The following U2AF1L4 variants were observed in gnomAD, a reference collection of about 807,000 sequenced individuals.
The protein encoded by U2AF1L4 is U2 small nuclear RNA auxiliary factor 1 like 4.
A neutral mutation model predicts 21.7 loss-of-function variants in U2AF1L4; 21 were observed. The ratio of observed to expected loss-of-function variants is 0.97; its 90% confidence interval spans 0.69 to 1.39. U2AF1L4 has a LOEUF of 1.39. Ranked by LOEUF, U2AF1L4 falls within the 40% of genes most tolerant of loss-of-function variation. U2AF1L4 has a pLI of 0.00. For missense variants in U2AF1L4, 259 were observed against 245.7 expected (o/e 1.05, Z -0.36); for synonymous variants, 92 against 89.7 (o/e 1.03, Z -0.15).
At chr19:35,744,296 G>A (rs1304303287) in intron 3 of U2AF1L4, 27 bp downstream of exon 3, 1 of 1,613,276 alleles carries the variant, frequency 6.2e-7, no homozygotes, top group Admixed American at 1.7e-5. Context: ...CTCCACTTCT[G>A]GGCCCTAAGT....
In U2AF1L4 at chr19:35,743,799, C is replaced by T. The variant is rs1361514239; in HGVS notation, c.461+10G>A. On this transcript the variant is annotated intron_variant, in intron 5 of 5. Coordinates refer to ENST00000378975, the MANE Select transcript of U2AF1L4 (RefSeq NM_001040425.3). ...ACATGAGGAGACATAGCAGGCTGGTCCTGAGGTACCTGCGCCTGGGTCCCC... is the reference window on the plus strand; with the variant it reads ...ACATGAGGAGACATAGCAGGCTGGTTCTGAGGTACCTGCGCCTGGGTCCCC... 6.2e-7 allele frequency: 1 copy of T among 1,603,940 alleles called. No homozygotes were observed. The highest frequency in any genetic ancestry group is 8.5e-7 in the Non-Finnish European group (1 of 1,175,386).
chr19:35,744,984 G>T, intron 2 of U2AF1L4, 141 bp downstream of exon 2: 2 of 849,264 alleles, frequency 2.4e-6, no homozygotes, highest in Non-Finnish European at 3.6e-6. Flanking sequence ...GGAGGAGCCT[G>T]CAGAAAGGTC....
At chr19:35,742,909 A>G in intron 5 of U2AF1L4, 106 bp from the exon 6 acceptor site, 2 of 1,080,992 alleles carry the variant, frequency 1.9e-6, no homozygotes, top group Non-Finnish European at 2.7e-6. Flanking sequence ...GTGCTGAAAT[A>G]ACTAGAGTTC....
At chr19:35,742,856 G>T in intron 5 of U2AF1L4, 53 bp from the exon 6 acceptor site, 2 of 1,514,272 alleles carry the variant, frequency 1.3e-6, no homozygotes, top group Non-Finnish European at 1.8e-6. Flanking sequence ...GTGGTGCAGA[G>T]ATCCTGCAGG....
rs1388271398 is a variant in U2AF1L4, at chr19:35,744,435, G to A, written c.133-14C>T. 1.2e-6 allele frequency: 2 copies of A among 1,614,102 alleles called. No individual in the cohort carries two copies. The highest frequency in any genetic ancestry group is 3.3e-5 in the Admixed American group (2 of 60,016). The stretch of plus-strand genomic sequence containing the variant: ...TGTGAACACCTCCTGTGGAAGACGG[G>A]GAGGAACTCAGCTGAGCTCCCACAA... On this transcript the variant is annotated splice_polypyrimidine_tract_variant and intron_variant, in intron 2 of 5. Coordinates refer to ENST00000378975, the MANE Select transcript of U2AF1L4 (RefSeq NM_001040425.3).
In U2AF1L4 at chr19:35,744,340, C is replaced by T. The variant is rs2146512334; in HGVS notation, c.214G>A (p.Gly72Ser). ...GCAAGCACCTTGACATAGACGTTGC[C>T]CACGAGGTGGTCCCCAAGGTTGTCG... ...VCDNLGDHLV[G>S]NVYVKFRREE... is the part of the protein sequence containing the mutation. Residue 72 changes from glycine (G) to serine (S), a missense_variant, in exon 3 of 6, where the codon GGC (glycine) becomes AGC (serine). Physicochemically the swap from Gly to Ser is moderately conservative, Grantham distance 56. Transcript: ENST00000378975. 1.2e-6 allele frequency: 2 copies of T among 1,614,110 alleles called. No homozygotes were observed. Among genetic ancestry groups the T allele is most frequent in the East Asian group, 4.5e-5 (2 of 44,888 alleles).
At chr19:35,743,755 A>T in intron 5 of U2AF1L4, 54 bp downstream of exon 5, 1 of 1,404,652 alleles carries the variant, frequency 7.1e-7, no homozygotes, top group Non-Finnish European at 9.9e-7. Context: ...GGCTCATCTG[A>T]GGATATAGGG....
chr19:35,744,262 G>A (rs1184298324), intron 3 of U2AF1L4, 61 bp downstream of exon 3: 1 of 1,607,896 alleles, frequency 6.2e-7, no homozygotes, highest in Non-Finnish European at 8.5e-7. Flanking sequence ...AGCCTACAGT[G>A]GCCACCATCA....
At chr19:35,744,792 G>C in intron 2 of U2AF1L4, 1 of 1,369,486 alleles carries the variant, frequency 7.3e-7, no homozygotes, top group Non-Finnish European at 1.0e-6. Context: ...TTACACCCCA[G>C]CCTAAGCATC....
In U2AF1L4 at chr19:35,745,399, C is replaced by G; in HGVS notation, c.-8G>C. 6.2e-7 allele frequency: 1 copy of G among 1,614,184 alleles called. No individual in the cohort carries two copies. The highest frequency in any genetic ancestry group is 8.5e-7 in the Non-Finnish European group (1 of 1,180,030). On this transcript the variant is annotated 5_prime_UTR_variant, in exon 1 of 6. Coordinates refer to ENST00000378975, the MANE Select transcript of U2AF1L4 (RefSeq NM_001040425.3). Reference sequence around the variant, plus strand: ...AGCTAAATATTCAGCCATTTTTACCCAAGCCCTCCAGGTCTGGCTGCTCTT... The same window carrying G: ...AGCTAAATATTCAGCCATTTTTACCGAAGCCCTCCAGGTCTGGCTGCTCTT...
chr19:35,743,766 G>T, intron 5 of U2AF1L4, 43 bp downstream of exon 5: 1 of 1,527,550 alleles, frequency 6.5e-7, no homozygotes, highest in East Asian at 2.3e-5. Flanking sequence ...GGATATAGGG[G>T]CCTTAGGACA....
intron 5 of U2AF1L4, chr19:35,743,129 T>G (rs1466464664): frequency 5.4e-6 from 2 of 368,210 alleles, no homozygotes; most frequent in Non-Finnish European, 9.9e-6. Context: ...TCCCCACACT[T>G]TGGGAGGCCG....
chr19:35,743,071 G>C (rs995677715), intron 5 of U2AF1L4: 1 of 536,580 alleles, frequency 1.9e-6, no homozygotes, highest in Non-Finnish European at 3.3e-6. Context: ...CTACTCTTAG[G>C]GTATAAGAGT....
intron 1 of U2AF1L4, 60 bp downstream of exon 1, chr19:35,745,288 C>G: frequency 6.3e-7 from 1 of 1,598,072 alleles, no homozygotes; most frequent in Non-Finnish European, 8.6e-7. Context: ...CCCCACCACC[C>G]AGGACCCCAG....
chr19:35,745,024 G>C (rs1162860561), intron 2 of U2AF1L4, 101 bp downstream of exon 2: 3 of 1,174,810 alleles, frequency 2.6e-6, no homozygotes, highest in Non-Finnish European at 2.4e-6. Flanking sequence ...GCGGTGGGGA[G>C]GGACTCAGGA....
In U2AF1L4 at chr19:35,742,546, C is replaced by T. The variant is rs757710247; in HGVS notation, c.*173G>A. On this transcript the variant is annotated 3_prime_UTR_variant, in exon 6 of 6. Transcript: ENST00000378975. ...AGCAAGTTGATGCCGAAGTGAAACA[C>T]GCAGCTTTATTAAGACAGGGGCGGT... is the stretch of plus-strand genomic sequence containing the variant. 9.3e-6 allele frequency: 15 copies of T among 1,612,308 alleles called. No homozygotes were observed. In the Admixed American group the frequency reaches 1.0e-4, roughly 11 times the overall value.
chr19:35,744,508 A>C (rs539971172), intron 2 of U2AF1L4, 87 bp from the exon 3 acceptor site: 4 of 1,593,030 alleles, frequency 2.5e-6, no homozygotes, highest in Non-Finnish European at 3.4e-6. Flanking sequence ...AAGCTATCAT[A>C]GTGCTCCTGC....
At chr19:35,742,973 G>A in intron 5 of U2AF1L4, 170 bp from the exon 6 acceptor site, 1 of 684,336 alleles carries the variant, frequency 1.5e-6, no homozygotes, top group Non-Finnish European at 2.5e-6. Flanking sequence ...CAGTATCAGG[G>A]GTGGCAATCC....
intron 2 of U2AF1L4, chr19:35,744,798 G>T: frequency 7.5e-7 from 1 of 1,335,628 alleles, no homozygotes; most frequent in Non-Finnish European, 1.0e-6. Context: ...CCCAGCCTAA[G>T]CATCATGAGT....
Sources: gnomAD v4.1 joint callset for allele counts on GRCh38, gnomAD v4.1.1 for gene constraint, MANE v1.5 for transcripts, NCBI Gene and HGNC (gene_info 2026-07-23, HGNC 2026-07-21) for gene names.